Variants in MLLT10 observed in about 807,000 individuals in gnomAD.
MLLT10 encodes MLLT10 histone lysine methyltransferase DOT1L cofactor.
In MLLT10, 30 loss-of-function variants were observed where a neutral mutation model predicts 129.1. The observed-to-expected ratio is 0.23, with a 90% CI of 0.17 to 0.32. The LOEUF (loss-of-function observed/expected upper bound fraction) is 0.32. MLLT10 is among the 10% of genes least tolerant of loss of function. The probability of loss-of-function intolerance (pLI) is 1.00; values close to 1 mark genes in which losing one functional copy is unlikely to be tolerated. For synonymous variants in MLLT10, 490 were observed against 446.4 expected, an observed-to-expected ratio of 1.10 and a Z score of -1.23; for missense variants, 1,119 against 1,268.3, an observed-to-expected ratio of 0.88 and a Z score of 1.79.
chr10:21,646,337 C>T (rs2048472735), intron 8 of MLLT10, among the ~76,000 whole-genome samples: 1 of 152,208 alleles, frequency 6.6e-6, no homozygotes, highest in African/African-American at 2.4e-5. Context: ...AATGATGCTG[C>T]ATTGATTTCC....
intron 3 of MLLT10, among the ~76,000 whole-genome samples, chr10:21,551,180 C>T (rs1390386599): frequency 6.6e-6 from 1 of 151,972 alleles, no homozygotes; most frequent in African/African-American, 2.4e-5. Context: ...CTGCCTCGGC[C>T]TCCCAAAGTG....
intron 3 of MLLT10, among the ~76,000 whole-genome samples, chr10:21,542,593 C>T (rs910091933): frequency 6.6e-6 from 1 of 152,044 alleles, no homozygotes. Context: ...ATATTAGATG[C>T]TGCTGGGAGC....
chr10:21,727,749 A>G, intron 15 of MLLT10, 107 bp from the exon 16 acceptor site: 3 of 773,340 alleles, frequency 3.9e-6, no homozygotes, highest in East Asian at 2.7e-5. Context: ...AACTGCAAAG[A>G]TAGTGGTAAA....
rs543659129 is a variant in MLLT10 at position 21,740,399 on chromosome 10, C to T, written c.3162+163C>T. Among the ~76,000 whole-genome samples, 28 of 152,314 alleles carry T rather than the reference C, an allele frequency of 1.8e-4. No homozygotes were observed. The South Asian group carries it at 1.9e-3, about 10-fold the overall frequency. On this transcript the variant is annotated intron_variant, in intron 22 of 22. Coordinates refer to ENST00000307729, the MANE Select transcript of MLLT10 (RefSeq NM_001195626.3). ...GGCAAAGGATCTAAGCCAATTTATA[C>T]GTCCCCTAAGTATATCAGTTTGAAT...
intron 3 of MLLT10, among the ~76,000 whole-genome samples, chr10:21,561,912 T>C (rs892320852): frequency 4.6e-5 from 7 of 150,808 alleles, no homozygotes; most frequent in African/African-American, 1.7e-4. Flanking sequence ...TTCAAGCAAT[T>C]CTCCTGCCTC....
chr10:21,642,445 T>G (rs1440059048), intron 8 of MLLT10, among the ~76,000 whole-genome samples: 1 of 152,012 alleles, frequency 6.6e-6, no homozygotes, highest in Non-Finnish European at 1.5e-5. Flanking sequence ...TTACCTGTGG[T>G]CAGGAGTTTA....
At chr10:21,731,641 T>C (rs2057979208) in intron 17 of MLLT10, among the ~76,000 whole-genome samples, 5 of 152,180 alleles carry the variant, frequency 3.3e-5, no homozygotes, top group Admixed American at 2.6e-4. Flanking sequence ...ATAATAATTA[T>C]TGAATTAAAT....
At chr10:21,734,901 T>G (rs2058238479) in intron 20 of MLLT10, among the ~76,000 whole-genome samples, 1 of 152,230 alleles carries the variant, frequency 6.6e-6, no homozygotes, top group Admixed American at 6.5e-5. Flanking sequence ...AGTTAGGGCC[T>G]ATTTGTTTTA....
In MLLT10 at chr10:21,534,584, G is replaced by A. The variant is rs562268199; in HGVS notation, c.1-61G>A. 2.6e-5 allele frequency: 40 copies of A among 1,531,434 alleles called. No homozygotes were observed. The African/African-American group carries it at 3.6e-4, about 14-fold the overall frequency. The allele number at this position is 1,531,434 out of a possible 1,614,324, so 94.9% of individuals were successfully genotyped here. Reference sequence around the variant, plus strand: ...CCGGGGCGGGCTCGGGGGGCTGTGTGGGGGGGAAGCACTAATCGGCTTGCA... The same window carrying A: ...CCGGGGCGGGCTCGGGGGGCTGTGTAGGGGGGAAGCACTAATCGGCTTGCA... On this transcript the variant is annotated intron_variant, in intron 1 of 22. Coordinates refer to ENST00000307729, the MANE Select transcript of MLLT10 (RefSeq NM_001195626.3).
At chr10:21,629,369 A>G (rs2046788966) in intron 8 of MLLT10, among the ~76,000 whole-genome samples, 1 of 151,912 alleles carries the variant, frequency 6.6e-6, no homozygotes, top group Admixed American at 6.6e-5. Context: ...TGCCATTTTA[A>G]CCACTTTGAT....
chr10:21,539,975 C>T (rs1052730658), intron 3 of MLLT10, among the ~76,000 whole-genome samples: 1 of 151,462 alleles, frequency 6.6e-6, no homozygotes, highest in Non-Finnish European at 1.5e-5. Context: ...AGGAGGTAGG[C>T]CGGGTGCAGT....
intron 11 of MLLT10, among the ~76,000 whole-genome samples, chr10:21,677,556 A>G (rs1373018154): frequency 6.6e-6 from 1 of 152,188 alleles, no homozygotes; most frequent in Admixed American, 6.5e-5. Context: ...ACCTAGTATC[A>G]TGTAAATGCT....
At position 21,600,368 on chromosome 10, in the gene MLLT10, A is replaced by AACACACACACACACACACACAC. The variant is rs199618726; in HGVS notation, c.405+4942_405+4963dup. ...CAATATTGAATCTTTCCTGAGATAG[A>AACACACACACACACACACACAC]ACACACACACACACACACACACACA... On this transcript the variant is annotated intron_variant, in intron 5 of 22. Coordinates refer to ENST00000307729, the MANE Select transcript of MLLT10 (RefSeq NM_001195626.3). Among the ~76,000 whole-genome samples, 69 of 144,642 alleles carry AACACACACACACACACACACAC rather than the reference A, an allele frequency of 4.8e-4. 1 individual carries two copies. The highest frequency in any genetic ancestry group is 1.4e-3 in the African/African-American group (55 of 39,784). 94.9% of individuals were successfully genotyped at this position (144,642 alleles called of 152,430 possible). A position where few individuals can be genotyped will look rare whatever the true frequency, so the allele number is the denominator to read the frequency against.
intron 3 of MLLT10, among the ~76,000 whole-genome samples, chr10:21,576,239 T>TA (rs2040724130): frequency 6.7e-6 from 1 of 149,796 alleles, no homozygotes; most frequent in African/African-American, 2.5e-5. Context: ...GCCTATCCAT[T>TA]TACTTTTTTT....
At position 21,740,068 on chromosome 10, in the gene MLLT10, TCACCACCAGCAG is replaced by T. The variant is rs766571073; in HGVS notation, c.3003_3014del (p.Gln1002_Gln1005del). ...CCTTTTTGTATCAGTTAATGCAACA[TCACCACCAGCAG>T]CACCACCAACCTGAACTTCAGCAGC... On this transcript the variant is annotated inframe_deletion, in exon 22 of 23. Transcript: ENST00000307729. The T allele has an allele frequency of 5.0e-6, 8 of 1,613,254 alleles. No homozygotes were observed. The highest frequency in any genetic ancestry group is 3.3e-5 in the Admixed American group (2 of 59,850).
intron 8 of MLLT10, among the ~76,000 whole-genome samples, chr10:21,631,186 C>T (rs2046967267): frequency 6.6e-6 from 1 of 151,630 alleles, no homozygotes; most frequent in South Asian, 2.1e-4. Flanking sequence ...TGGTGGCGGG[C>T]GCCTGTAGTC....
chr10:21,639,472 CCTTA>C (rs2047778361), intron 8 of MLLT10, among the ~76,000 whole-genome samples: 1 of 152,066 alleles, frequency 6.6e-6, no homozygotes, highest in African/African-American at 2.4e-5. Flanking sequence ...TGAGGGAAAC[CCTTA>C]CTTATGTTTA....
intron 21 of MLLT10, 135 bp from the exon 22 acceptor site, chr10:21,739,894 AT>A (rs762629300): frequency 1.9e-5 from 13 of 697,056 alleles, no homozygotes; most frequent in Non-Finnish European, 2.6e-5. Context: ...AGTGCAGCAT[AT>A]TTTTCTAGAT....
At chr10:21,723,275 G>A (rs1156385184) in intron 14 of MLLT10, among the ~76,000 whole-genome samples, 1 of 152,038 alleles carries the variant, frequency 6.6e-6, no homozygotes, top group Non-Finnish European at 1.5e-5. Context: ...ATAATTCAGA[G>A]ACTAGATCAA....
Sources: allele counts gnomAD v4.1 joint callset (sites outside exome capture counted in the v4.1 genomes callset), GRCh38; gene constraint gnomAD v4.1.1; transcripts MANE v1.5; gene names NCBI Gene and HGNC (gene_info 2026-07-23, HGNC 2026-07-21).